Variants in PIK3CG observed in about 807,000 individuals in gnomAD.
PIK3CG encodes phosphatidylinositol-4,5-bisphosphate 3-kinase catalytic subunit gamma.
Under a neutral mutation model 102.3 loss-of-function variants are expected in PIK3CG, and 55 were observed. The observed-to-expected ratio is 0.54, with a 90% CI of 0.43 to 0.67. The LOEUF is 0.67. Among genes scored for constraint, PIK3CG ranks in the 30% least tolerant of loss-of-function variants. The pLI, the probability that PIK3CG is intolerant of heterozygous loss-of-function variation, is 0.00. For missense variants in PIK3CG, 1,258 were observed against 1,391.8 expected, an observed-to-expected ratio of 0.90 and a Z score of 1.53; for synonymous variants, 552 against 540.0, an observed-to-expected ratio of 1.02 and a Z score of -0.31.
chr7:106,895,407 T>G lies in PIK3CG; in HGVS notation c.3030+9115T>G, dbSNP rs1158186024. On this transcript the variant is annotated intron_variant, in intron 10 of 10. Transcript: ENST00000496166. The surrounding 1 kb of genome is among the most constrained non-coding windows in gnomAD (Gnocchi z 5.4). ...AGTGTCAGAACACTCCCACAGACCC[T>G]GTGGCTGAGTCCAAAAGGCAGAAAT... is the stretch of plus-strand genomic sequence containing the variant. Among the ~76,000 whole-genome samples the G allele has an allele frequency of 6.6e-6, 1 of 152,228 alleles. No individual in the cohort carries two copies. Among genetic ancestry groups the G allele is most frequent in the Non-Finnish European group, 1.5e-5 (1 of 68,032 alleles).
rs1791604811 is a variant in PIK3CG at position 106,903,217 on chromosome 7, G to A, written c.3031-1892G>A. ...TTTAATAATGTAGTTTTATAAAATG[G>A]TTTAATATCTGGTTTGGCAAGTACT... On this transcript the variant is annotated intron_variant, in intron 10 of 10. Coordinates refer to ENST00000496166, the MANE Select transcript of PIK3CG (RefSeq NM_001282426.2). The surrounding 1 kb of genome is among the most constrained non-coding windows in gnomAD (Gnocchi z 4.3). 6.6e-6 allele frequency among the ~76,000 whole-genome samples: 1 copy of A among 151,984 alleles called. No homozygotes were observed. The highest frequency in any genetic ancestry group is 1.5e-5 in the Non-Finnish European group (1 of 67,972).
chr7:106,871,342 G>C lies in PIK3CG; in HGVS notation c.1996-1195G>C, dbSNP rs114117570. Among the ~76,000 whole-genome samples the C allele has an allele frequency of 7.8e-3, 1,195 of 152,258 alleles. 18 individuals carry two copies. The highest frequency in any genetic ancestry group is 0.027 in the African/African-American group (1,115 of 41,516). Reference sequence around the variant, plus strand: ...AAAAGACCACATTCTCAGAATTAAGGCCTTTGATGCAGCTACAGTGGCACC... The same window carrying C: ...AAAAGACCACATTCTCAGAATTAAGCCCTTTGATGCAGCTACAGTGGCACC... On this transcript the variant is annotated intron_variant, in intron 2 of 10. Transcript: ENST00000496166.
intron 10 of PIK3CG, among the ~76,000 whole-genome samples, chr7:106,898,244 ATTTG>A (rs1451958793): frequency 2.0e-5 from 3 of 152,036 alleles, no homozygotes; most frequent in African/African-American, 7.2e-5. Context: ...TCTCTTGTAA[ATTTG>A]TTTAAGTTCT....
In PIK3CG at chr7:106,867,796, C is replaced by A. The variant is rs763784435; in HGVS notation, c.235C>A (p.Leu79Met). The part of the protein sequence containing the change: ...QMKAQVWLRA[L>M]ETSVAADFYH... ...GAAGGCCCAGGTGTGGCTGCGAGCGCTGGAGACCAGCGTGGCGGCGGACTT... is the reference window on the plus strand; with the variant it reads ...GAAGGCCCAGGTGTGGCTGCGAGCGATGGAGACCAGCGTGGCGGCGGACTT... Residue 79 changes from leucine (L) to methionine (M), a missense_variant, in exon 2 of 11, where the codon CTG becomes ATG. Coordinates refer to ENST00000496166, the MANE Select transcript of PIK3CG (RefSeq NM_001282426.2). This position sits in a 1 kb window ranked among gnomAD's most constrained non-coding sequence, Gnocchi z 5.1. 13 of 1,612,580 alleles carry A rather than the reference C, an allele frequency of 8.1e-6. No homozygotes were observed. The highest frequency in any genetic ancestry group is 1.1e-5 in the Non-Finnish European group (13 of 1,179,946).
chr7:106,884,089 C>T lies in PIK3CG; in HGVS notation c.2761-66C>T. On this transcript the variant is annotated intron_variant, in intron 8 of 10. Coordinates refer to ENST00000496166, the MANE Select transcript of PIK3CG (RefSeq NM_001282426.2). This position sits in a 1 kb window ranked among gnomAD's most constrained non-coding sequence, Gnocchi z 4.2. ...TCCAGAATATTCTCTTTTTAGAAGT[C>T]ATTTGTAGATTCATGATGCTTTTTG... 1.7e-6 allele frequency: 2 copies of T among 1,192,194 alleles called. No homozygotes were observed. Among genetic ancestry groups the T allele is most frequent in the East Asian group, 4.7e-5 (2 of 42,520 alleles). The allele number at this position is 1,192,194 out of a possible 1,614,324, so 73.9% of individuals were successfully genotyped here.
At position 106,883,987 on chromosome 7, in the gene PIK3CG, G is replaced by A. The variant is rs78551222; in HGVS notation, c.2761-168G>A. Reference sequence around the variant, plus strand: ...AATCTTCACCTAAAATATAAGCAGAGCAATGAGAAAGTTGGCAATTCATAG... The same window carrying A: ...AATCTTCACCTAAAATATAAGCAGAACAATGAGAAAGTTGGCAATTCATAG... On this transcript the variant is annotated intron_variant, in intron 8 of 10. Coordinates refer to ENST00000496166, the MANE Select transcript of PIK3CG (RefSeq NM_001282426.2). The surrounding 1 kb of genome is among the most constrained non-coding windows in gnomAD (Gnocchi z 5.8). Among the ~76,000 whole-genome samples, 2,562 of 152,248 alleles carry A rather than the reference G, an allele frequency of 0.017. 81 individuals are homozygous for A. The highest frequency in any genetic ancestry group is 0.059 in the African/African-American group (2,430 of 41,536).
Position 106,884,590 on chromosome 7 carries a change from C to T in PIK3CG, c.2872+324C>T, listed in dbSNP as rs1381333477. ...CTTCAGTTACTCTAGAGCAGTGGCC[C>T]CCAACCTCTTTGGCACCAAGGACCG... On this transcript the variant is annotated intron_variant, in intron 9 of 10. Transcript: ENST00000496166. This position sits in a 1 kb window ranked among gnomAD's most constrained non-coding sequence, Gnocchi z 4.2. 6.6e-6 allele frequency among the ~76,000 whole-genome samples: 1 copy of T among 152,138 alleles called. No individual in the cohort carries two copies. Among genetic ancestry groups the T allele is most frequent in the Non-Finnish European group, 1.5e-5 (1 of 68,028 alleles).
chr7:106,874,635 T>A lies in PIK3CG; in HGVS notation c.2288-65T>A. The A allele has an allele frequency of 9.7e-7, 1 of 1,033,646 alleles. No homozygotes were observed. Among genetic ancestry groups the A allele is most frequent in the African/African-American group, 1.6e-5 (1 of 63,132 alleles). 64.0% of individuals were successfully genotyped at this position (1,033,646 alleles called of 1,614,324 possible). ...TATGAATAAATGTGTTCTCAGGAAA[T>A]GTAATAGATAATATTGATGATTTCT... On this transcript the variant is annotated intron_variant, in intron 4 of 10. Coordinates refer to ENST00000496166, the MANE Select transcript of PIK3CG (RefSeq NM_001282426.2). The surrounding 1 kb of genome is among the most constrained non-coding windows in gnomAD (Gnocchi z 4.3).
At position 106,890,061 on chromosome 7, in the gene PIK3CG, T is replaced by A. The variant is rs901737055; in HGVS notation, c.3030+3769T>A. 6.6e-6 allele frequency among the ~76,000 whole-genome samples: 1 copy of A among 152,274 alleles called. No individual in the cohort carries two copies. The highest frequency in any genetic ancestry group is 1.5e-5 in the Non-Finnish European group (1 of 68,048). ...ATTGGTAATTTATTCTAGACCATGT[T>A]ATTTTAAATTTCACTGAACAGTTAT... On this transcript the variant is annotated intron_variant, in intron 10 of 10. Coordinates refer to ENST00000496166, the MANE Select transcript of PIK3CG (RefSeq NM_001282426.2). This position sits in a 1 kb window ranked among gnomAD's most constrained non-coding sequence, Gnocchi z 4.2.
Position 106,891,264 on chromosome 7 carries a change from C to T in PIK3CG, c.3030+4972C>T, listed in dbSNP as rs1791255613. 6.6e-6 allele frequency among the ~76,000 whole-genome samples: 1 copy of T among 152,194 alleles called. No homozygotes were observed. The highest frequency in any genetic ancestry group is 2.4e-5 in the African/African-American group (1 of 41,450). On this transcript the variant is annotated intron_variant, in intron 10 of 10. Transcript: ENST00000496166. This position sits in a 1 kb window ranked among gnomAD's most constrained non-coding sequence, Gnocchi z 4.4. ...CATACATTGTATTCTGTGAGTTTCA[C>T]AATAACTCAGGCCCAGATTGACAGA...
rs775566762 is a variant in PIK3CG, at chr7:106,867,527, T to G, written c.-12-23T>G. 1 of 1,519,104 alleles carries G rather than the reference T, an allele frequency of 6.6e-7. No individual in the cohort carries two copies. Among genetic ancestry groups the G allele is most frequent in the Non-Finnish European group, 8.8e-7 (1 of 1,134,762 alleles). The allele number at this position is 1,519,104 out of a possible 1,614,324, so 94.1% of individuals were successfully genotyped here. A position where few individuals can be genotyped will look rare whatever the true frequency, so the allele number is the denominator to read the frequency against. On this transcript the variant is annotated intron_variant, in intron 1 of 10. Coordinates refer to ENST00000496166, the MANE Select transcript of PIK3CG (RefSeq NM_001282426.2). The surrounding 1 kb of genome is among the most constrained non-coding windows in gnomAD (Gnocchi z 5.1). ...GGGAAAGTGCCTTTCTTGTGACAAA[T>G]CCCTGTGTCCCTCCGCTCCCAGGTC... is the stretch of plus-strand genomic sequence containing the variant.
chr7:106,873,995 C>T (rs1790630785), intron 4 of PIK3CG, among the ~76,000 whole-genome samples: 2 of 152,240 alleles, frequency 1.3e-5, no homozygotes, highest in East Asian at 1.9e-4. Flanking sequence ...CACTATGGCT[C>T]ATTACATAGA....
intron 10 of PIK3CG, among the ~76,000 whole-genome samples, chr7:106,898,875 T>C (rs1350013785): frequency 6.6e-6 from 1 of 152,222 alleles, no homozygotes; most frequent in Non-Finnish European, 1.5e-5. Context: ...TGGTTCTATA[T>C]GAATTTTAAA....
chr7:106,865,972 T>C (rs1481629738), intron 1 of PIK3CG, among the ~76,000 whole-genome samples: 1 of 152,232 alleles, frequency 6.6e-6, no homozygotes, highest in Non-Finnish European at 1.5e-5. Flanking sequence ...CCAAAATGAA[T>C]GTTTTAAGCC....
chr7:106,875,936 C>G (rs2116505841), intron 5 of PIK3CG, among the ~76,000 whole-genome samples: 1 of 125,926 alleles, frequency 7.9e-6, no homozygotes, highest in Middle Eastern at 5.2e-3. Flanking sequence ...GAGACGGAGT[C>G]TCGCTCTGTT....
In PIK3CG at chr7:106,868,963, C is replaced by T. The variant is rs755871024; in HGVS notation, c.1402C>T (p.Leu468=). The change falls in exon 2 of 11, where the codon CTG becomes TTG. Residue 468 remains leucine, a synonymous_variant. Transcript: ENST00000496166. This position sits in a 1 kb window ranked among gnomAD's most constrained non-coding sequence, Gnocchi z 6.2. ...GCTTCTCTATTATGTGAACCTGCTGCTGATAGACCACCGTTTCCTCCTGCG... is the reference window on the plus strand; with the variant it reads ...GCTTCTCTATTATGTGAACCTGCTGTTGATAGACCACCGTTTCCTCCTGCG... ...VQLLYYVNLL[L]IDHRFLLRRG... is the part of the protein sequence containing the mutation. 2 of 1,614,042 alleles carry T rather than the reference C, an allele frequency of 1.2e-6. No homozygotes were observed. Among genetic ancestry groups the T allele is most frequent in the African/African-American group, 1.3e-5 (1 of 74,914 alleles).
intron 10 of PIK3CG, among the ~76,000 whole-genome samples, chr7:106,888,140 C>T (rs1366501607): frequency 6.6e-6 from 1 of 151,844 alleles, no homozygotes; most frequent in Non-Finnish European, 1.5e-5. Context: ...AGGGTTTCAC[C>T]ATGTTGGCCA....
intron 10 of PIK3CG, 84 bp downstream of exon 10, chr7:106,886,376 C>A: frequency 7.1e-7 from 1 of 1,417,604 alleles, no homozygotes; most frequent in Non-Finnish European, 9.8e-7. Context: ...ACCTCTCACT[C>A]AGCTTGGAGG....
chr7:106,886,627 A>C (rs891503664), intron 10 of PIK3CG, among the ~76,000 whole-genome samples: 1 of 152,150 alleles, frequency 6.6e-6, no homozygotes, highest in Admixed American at 6.5e-5. Flanking sequence ...TAGCCACTAG[A>C]TATTTGTCTA....
Sources: gnomAD v4.1 joint callset for allele counts (sites outside exome capture counted in the v4.1 genomes callset) on GRCh38, gnomAD v4.1.1 for gene constraint, Gnocchi (gnomAD v3.1) non-coding constraint, MANE v1.5 for transcripts, NCBI Gene and HGNC (gene_info 2026-07-23, HGNC 2026-07-21) for gene names.